MECOM: variants seen among roughly 807,000 people sequenced by gnomAD.
MECOM encodes the protein MDS1 and EVI1 complex locus.
Under a neutral mutation model 116.3 loss-of-function variants are expected in MECOM, and 13 were observed. That is an observed-to-expected ratio of 0.11 (90% CI 0.07 to 0.18). The LOEUF (loss-of-function observed/expected upper bound fraction) is 0.18, where lower values mean the gene tolerates loss of function less well. Among genes scored for constraint, MECOM ranks in the 10% least tolerant of loss-of-function variants. The pLI is 1.00. For synonymous variants in MECOM, 528 were observed against 535.2 expected (o/e 0.99, Z 0.19); for missense variants, 1,299 against 1,509.0 (o/e 0.86, Z 2.31).
rs376820699 is a variant in MECOM, at chr3:169,575,913, T to C, written c.37+87423A>G. 1.1e-4 allele frequency among the ~76,000 whole-genome samples: 16 copies of C among 152,248 alleles called. No individual in the cohort carries two copies. The East Asian group carries it at 1.9e-3, about 18-fold the overall frequency. ...AAAAAACCCAAAGCTCAGCCTAGCA[T>C]TTCCCTGTAAACCGTACAAATTCAC... On this transcript the variant is annotated intron_variant, in intron 1 of 16. Coordinates refer to ENST00000651503, the MANE Select transcript of MECOM (RefSeq NM_004991.4).
At chr3:169,209,075 A>G (rs1263019439) in intron 2 of MECOM, among the ~76,000 whole-genome samples, 2 of 152,192 alleles carry the variant, frequency 1.3e-5, no homozygotes, top group African/African-American at 2.4e-5. Flanking sequence ...AACAAACCTG[A>G]CAAAAACCAG....
At chr3:169,094,366 A>C (rs1720835793) in intron 13 of MECOM, among the ~76,000 whole-genome samples, 1 of 152,306 alleles carries the variant, frequency 6.6e-6, no homozygotes, top group African/African-American at 2.4e-5. Flanking sequence ...TTGGCTCTGC[A>C]CACATATGCC....
At chr3:169,379,381 T>C (rs16853603) in intron 2 of MECOM, among the ~76,000 whole-genome samples, 306 of 152,126 alleles carry the variant, frequency 2.0e-3, no homozygotes, top group African/African-American at 7.0e-3. Flanking sequence ...AAAGGGAATA[T>C]GTGATTTTCG....
chr3:169,131,059 A>T (rs879756683), intron 4 of MECOM, among the ~76,000 whole-genome samples: 3 of 152,204 alleles, frequency 2.0e-5, no homozygotes, highest in Non-Finnish European at 2.9e-5. Context: ...ATAGAACATT[A>T]GATGACAGAA....
intron 1 of MECOM, among the ~76,000 whole-genome samples, chr3:169,408,560 G>A (rs1482624636): frequency 6.6e-6 from 1 of 152,068 alleles, no homozygotes; most frequent in Non-Finnish European, 1.5e-5. Context: ...CCCAAAACAC[G>A]GTCTTGATGT....
chr3:169,479,787 C>G (rs1751023194), intron 1 of MECOM, among the ~76,000 whole-genome samples: 1 of 151,976 alleles, frequency 6.6e-6, no homozygotes, highest in Non-Finnish European at 1.5e-5. Context: ...CTTATAGGGA[C>G]CTGAAAAGCT....
intron 2 of MECOM, among the ~76,000 whole-genome samples, chr3:169,269,668 T>C (rs1255908272): frequency 6.6e-6 from 1 of 152,164 alleles, no homozygotes; most frequent in African/African-American, 2.4e-5. Flanking sequence ...CTCTCTGTAA[T>C]AGGAATTCCT....
At chr3:169,322,105 T>C (rs1387219390) in intron 2 of MECOM, among the ~76,000 whole-genome samples, 1 of 152,218 alleles carries the variant, frequency 6.6e-6, no homozygotes. Flanking sequence ...TTCTGAACTA[T>C]AAGAAGTTAC....
chr3:169,108,058 G>T, intron 9 of MECOM, 106 bp from the exon 10 acceptor site: 1 of 892,692 alleles, frequency 1.1e-6, no homozygotes, highest in Non-Finnish European at 1.8e-6. Context: ...AGTAATTTTT[G>T]CTTATCATGT....
At chr3:169,135,436 A>G (rs1169739810) in intron 3 of MECOM, among the ~76,000 whole-genome samples, 1 of 152,014 alleles carries the variant, frequency 6.6e-6, no homozygotes, top group East Asian at 1.9e-4. Flanking sequence ...AGAATGTTCT[A>G]TGAGAAGAAA....
intron 1 of MECOM, among the ~76,000 whole-genome samples, chr3:169,403,532 A>G (rs899292967): frequency 6.6e-6 from 1 of 152,230 alleles, no homozygotes; most frequent in African/African-American, 2.4e-5. Context: ...AAATTGCAAT[A>G]TACTTCTAGG....
intron 1 of MECOM, among the ~76,000 whole-genome samples, chr3:169,658,897 G>A (rs976706910): frequency 2.0e-5 from 3 of 152,018 alleles, no homozygotes; most frequent in Non-Finnish European, 4.4e-5. Context: ...CGGGCGTGCC[G>A]GGGGCAACTC....
intron 1 of MECOM, among the ~76,000 whole-genome samples, chr3:169,479,011 A>C (rs1011352802): frequency 6.6e-6 from 1 of 152,212 alleles, no homozygotes; most frequent in African/African-American, 2.4e-5. Context: ...ATTATGTACC[A>C]GGCATAGAAC....
At chr3:169,589,379 C>A (rs1247548890) in intron 1 of MECOM, among the ~76,000 whole-genome samples, 1 of 152,022 alleles carries the variant, frequency 6.6e-6, no homozygotes, top group Non-Finnish European at 1.5e-5. Flanking sequence ...CATAGATTGA[C>A]AATAGGCCAA....
At chr3:169,620,736 G>A (rs1471035554) in intron 1 of MECOM, among the ~76,000 whole-genome samples, 2 of 152,216 alleles carry the variant, frequency 1.3e-5, no homozygotes, top group South Asian at 2.1e-4. Flanking sequence ...ATGGGAGCAA[G>A]CAAAGGTCCA....
intron 1 of MECOM, among the ~76,000 whole-genome samples, chr3:169,427,789 A>T (rs1218875231): frequency 1.3e-5 from 2 of 152,238 alleles, no homozygotes; most frequent in Non-Finnish European, 2.9e-5. Flanking sequence ...TGTATGAAAG[A>T]TAGCTAAGTG....
chr3:169,247,531 C>T (rs766971708), intron 2 of MECOM, among the ~76,000 whole-genome samples: 50 of 152,024 alleles, frequency 3.3e-4, no homozygotes, highest in Non-Finnish European at 5.3e-4. Context: ...CTTGAACTCC[C>T]GACCTCAGGT....
At chr3:169,646,558 TAGTGAAATACTTTGTTGCAGGCCCA>T (rs1774216394) in intron 1 of MECOM, among the ~76,000 whole-genome samples, 1 of 152,100 alleles carries the variant, frequency 6.6e-6, no homozygotes. Flanking sequence ...ATTAAGTAGC[TAGTGAAATACTTTGTTGCAGGCCCA>T]AGTCATTTGG....
At chr3:169,617,279 G>A (rs950185773) in intron 1 of MECOM, among the ~76,000 whole-genome samples, 6 of 152,136 alleles carry the variant, frequency 3.9e-5, no homozygotes, top group African/African-American at 1.4e-4. Flanking sequence ...TACAATAAAA[G>A]TAAATCATTT....
Sources: gnomAD v4.1 joint callset for allele counts (sites outside exome capture counted in the v4.1 genomes callset) on GRCh38, gnomAD v4.1.1 for gene constraint, MANE v1.5 for transcripts, NCBI Gene and HGNC (gene_info 2026-07-23, HGNC 2026-07-21) for gene names.